Variants in CDH23 observed in about 807,000 individuals in gnomAD.
CDH23 encodes the protein cadherin related 23.
CDH23 carries 189 observed loss-of-function variants against 317.1 expected under a neutral mutation model. The ratio of observed to expected loss-of-function variants is 0.60; its 90% CI spans 0.53 to 0.67. CDH23 has a LOEUF of 0.67. Among genes scored for constraint, CDH23 ranks in the 30% least tolerant of loss-of-function variants. CDH23 has a pLI of 0.00. For missense variants in CDH23, 4,401 were observed against 4,592.4 expected (o/e 0.96, Z 1.20); for synonymous variants, 1,839 against 1,876.8 (o/e 0.98, Z 0.52).
chr10:71,667,365 T>G (rs147101206), intron 14 of CDH23, among the ~76,000 whole-genome samples: 1 of 28,586 alleles, frequency 3.5e-5, no homozygotes, highest in African/African-American at 9.2e-5. Flanking sequence ...AGAGAGTGTG[T>G]GTGTGTGTGT....
chr10:71,732,390 G>T lies in CDH23; in HGVS notation c.4104+15G>T. On this transcript the variant is annotated intron_variant, in intron 32 of 69. Transcript: ENST00000224721. ...ACGCCATCACGGTGAGGGGCTGGGG[G>T]CAGGGAGCACCATTTCTTCCAATCT... is the stretch of plus-strand genomic sequence containing the variant. 1 of 1,553,978 alleles carries T rather than the reference G, an allele frequency of 6.4e-7. No individual in the cohort carries two copies. Among genetic ancestry groups the T allele is most frequent in the Admixed American group, 2.0e-5 (1 of 51,146 alleles).
rs373178192 is a variant in CDH23, at chr10:71,687,643, C to T, written c.1987-4C>T. On this transcript the variant is annotated splice_region_variant and splice_polypyrimidine_tract_variant and intron_variant, in intron 18 of 69. Transcript: ENST00000224721. ...CTCCTGCAACCTGTCTGTGTTCCTT[C>T]CAGGATGAGAATGACAACCCTCCCA... 1.2e-6 allele frequency: 2 copies of T among 1,613,698 alleles called. No homozygotes were observed. The highest frequency in any genetic ancestry group is 2.7e-5 in the African/African-American group (2 of 74,920).
At chr10:71,739,070 C>T (rs1254831367) in intron 35 of CDH23, among the ~76,000 whole-genome samples, 1 of 152,188 alleles carries the variant, frequency 6.6e-6, no homozygotes, top group Non-Finnish European at 1.5e-5. Flanking sequence ...CCAGTGTTCA[C>T]ACAGCTTTCA....
intron 38 of CDH23, among the ~76,000 whole-genome samples, chr10:71,770,279 C>T (rs142144371): frequency 6.6e-6 from 1 of 152,352 alleles, no homozygotes; most frequent in Non-Finnish European, 1.5e-5. Flanking sequence ...CAGTTGCCCT[C>T]CAAGGGAGGT....
chr10:71,470,737 C>G (rs1014025744), intron 3 of CDH23, among the ~76,000 whole-genome samples: 1 of 152,134 alleles, frequency 6.6e-6, no homozygotes, highest in African/African-American at 2.4e-5. Context: ...GTGATCCTCC[C>G]GCCTTGGCCT....
At chr10:71,488,874 A>ACTTTCAGTACTTTGAAGTAC (rs1197023746) in intron 3 of CDH23, among the ~76,000 whole-genome samples, 1 of 152,222 alleles carries the variant, frequency 6.6e-6, no homozygotes, top group Non-Finnish European at 1.5e-5. Context: ...GTTGCCATTT[A>ACTTTCAGTACTTTGAAGTAC]CTTTCAGTAC....
chr10:71,760,226 T>TAC lies in CDH23; in HGVS notation c.4846-17453_4846-17452insCA, dbSNP rs1342038612. Among the ~76,000 whole-genome samples, 271 of 36,654 alleles carry TAC rather than the reference T, an allele frequency of 7.4e-3. 82 individuals are homozygous for TAC. Among genetic ancestry groups the TAC allele is most frequent in the African/African-American group, 0.025 (253 of 10,128 alleles). 24.0% of individuals were successfully genotyped at this position (36,654 alleles called of 152,430 possible). On this transcript the variant is annotated intron_variant, in intron 38 of 69. Transcript: ENST00000224721. ...ATATATGTGTGTATATATGTGTATATATATGTATATACATATATATGTATG... is the reference window on the plus strand; with the variant it reads ...ATATATGTGTGTATATATGTGTATATACATATGTATATACATATATATGTATG...
At chr10:71,805,384 A>G (rs1281967301) in intron 55 of CDH23, among the ~76,000 whole-genome samples, 1 of 152,232 alleles carries the variant, frequency 6.6e-6, no homozygotes, top group Non-Finnish European at 1.5e-5. Flanking sequence ...GGGGACACCC[A>G]GAATTCCTGT....
In CDH23 at chr10:71,427,547, C is replaced by A. The variant is rs571293814; in HGVS notation, c.-5-12280C>A. Reference sequence around the variant, plus strand: ...ACGGATATACCACATTTTGTTTATTCATTTGCCTGCTGAAGGACATTTGGT... The same window carrying A: ...ACGGATATACCACATTTTGTTTATTAATTTGCCTGCTGAAGGACATTTGGT... On this transcript the variant is annotated intron_variant, in intron 1 of 69. Coordinates refer to ENST00000224721, the MANE Select transcript of CDH23 (RefSeq NM_022124.6). Among the ~76,000 whole-genome samples, 5 of 152,216 alleles carry A rather than the reference C, an allele frequency of 3.3e-5. No individual in the cohort carries two copies. In the South Asian group the frequency reaches 1.0e-3, roughly 32 times the overall value.
In CDH23 at chr10:71,784,977, C is replaced by T. The variant is rs2132939270; in HGVS notation, c.5589C>T (p.Asn1863=). 6.2e-7 allele frequency: 1 copy of T among 1,614,064 alleles called. No individual in the cohort carries two copies. Among genetic ancestry groups the T allele is most frequent in the South Asian group, 1.1e-5 (1 of 91,088 alleles). ...NLPMNITISE[N]SPVSSFVAHV... ...CCATGAACATCACCATCAGCGAGAA[C>T]AGCCCTGTCTCCAGCTTTGTCGCCC... The change falls in exon 43 of 70, where the codon AAC becomes AAT. Residue 1863 remains asparagine (N), a synonymous_variant. Transcript: ENST00000224721.
intron 19 of CDH23, among the ~76,000 whole-genome samples, chr10:71,688,733 A>C (rs72474813): frequency 4.7e-4 from 44 of 93,460 alleles, no homozygotes; most frequent in Non-Finnish European, 6.3e-4. Context: ...TGGTGGAGTC[A>C]AGGGTGGTGG....
At chr10:71,759,898 C>CATAT in intron 38 of CDH23, among the ~76,000 whole-genome samples, 1 of 50,658 alleles carries the variant, frequency 2.0e-5, no homozygotes, top group Non-Finnish European at 4.9e-5. Context: ...TACACACACA[C>CATAT]ATATATACAC....
At chr10:71,814,681 TAC>T (rs111594040) in intron 69 of CDH23, among the ~76,000 whole-genome samples, 6 of 147,700 alleles carry the variant, frequency 4.1e-5, no homozygotes, top group African/African-American at 1.5e-4. Flanking sequence ...AAGAAGCCGA[TAC>T]ACACACACAC....
intron 33 of CDH23, 86 bp from the exon 34 acceptor site, chr10:71,734,570 T>C: frequency 1.9e-6 from 3 of 1,605,418 alleles, no homozygotes; most frequent in East Asian, 2.3e-5. Flanking sequence ...CTGCCGGGAG[T>C]GGGGTCTGGA....
At chr10:71,688,987 T>TCAAGTGCCGTGGACC (rs1564733738) in intron 19 of CDH23, among the ~76,000 whole-genome samples, 1 of 2,254 alleles carries the variant, frequency 4.4e-4, no homozygotes, top group African/African-American at 1.1e-3. Context: ...GGTGGTGGAG[T>TCAAGTGCCGTGGACC]CAGGGATGGT....
intron 14 of CDH23, among the ~76,000 whole-genome samples, chr10:71,654,144 G>C (rs1267062886): frequency 6.6e-6 from 1 of 152,224 alleles, no homozygotes; most frequent in Non-Finnish European, 1.5e-5. Flanking sequence ...GGACGCAGAC[G>C]ATAGTTGCTG....
intron 6 of CDH23, among the ~76,000 whole-genome samples, chr10:71,542,480 C>T (rs929647904): frequency 3.3e-5 from 5 of 152,200 alleles, no homozygotes; most frequent in African/African-American, 4.8e-5. Context: ...ACAAGGCTGC[C>T]ACCTCCGATG....
At chr10:71,767,882 C>A (rs1402058282) in intron 38 of CDH23, among the ~76,000 whole-genome samples, 1 of 152,224 alleles carries the variant, frequency 6.6e-6, no homozygotes, top group Non-Finnish European at 1.5e-5. Flanking sequence ...AGCCTCCGTG[C>A]ATCCGGGGCT....
chr10:71,414,312 G>C (rs992139707), intron 1 of CDH23, among the ~76,000 whole-genome samples: 3 of 152,152 alleles, frequency 2.0e-5, no homozygotes, highest in African/African-American at 4.8e-5. Flanking sequence ...GATACTAGCT[G>C]TGGGCTTTTC....
Sources: allele counts gnomAD v4.1 joint callset (sites outside exome capture counted in the v4.1 genomes callset), GRCh38; gene constraint gnomAD v4.1.1; transcripts MANE v1.5; gene names NCBI Gene and HGNC (gene_info 2026-07-23, HGNC 2026-07-21).